FBXL13: variants seen among roughly 807,000 people sequenced by gnomAD.
FBXL13 encodes the protein F-box and leucine-rich repeat protein 13.
FBXL13 carries 67 observed loss-of-function variants against 83.6 expected under a neutral mutation model. The ratio of observed to expected loss-of-function variants is 0.80; its 90% CI spans 0.66 to 0.98. The LOEUF (loss-of-function observed/expected upper bound fraction) is 0.98. Ranked by LOEUF, FBXL13 falls within the 50% of genes least tolerant of loss-of-function variation. The pLI, the probability that FBXL13 is intolerant of heterozygous loss-of-function variation, is 0.00. For synonymous variants in FBXL13, 272 were observed against 299.5 expected, an observed-to-expected ratio of 0.91 and a Z score of 0.95; for missense variants, 822 against 866.5, an observed-to-expected ratio of 0.95 and a Z score of 0.64.
Position 102,854,759 on chromosome 7 carries a change from T to G in FBXL13, c.1719+18A>C. 1 of 1,407,792 alleles carries G rather than the reference T, an allele frequency of 7.1e-7. No homozygotes were observed. Among genetic ancestry groups the G allele is most frequent in the Non-Finnish European group, 9.7e-7 (1 of 1,031,128 alleles). The allele number at this position is 1,407,792 out of a possible 1,614,324, so 87.2% of individuals were successfully genotyped here. On this transcript the variant is annotated intron_variant, in intron 17 of 19. Coordinates refer to ENST00000313221, the Ensembl canonical transcript of FBXL13. The stretch of plus-strand genomic sequence containing the variant: ...ATTTCAATCTTAATTCTTTAACAGA[T>G]GATCTTAATGATCTTACCTGAATTC...
At chr7:102,899,139 T>C (rs1281109987) in intron 11 of FBXL13, among the ~76,000 whole-genome samples, 1 of 152,120 alleles carries the variant, frequency 6.6e-6, no homozygotes, top group Non-Finnish European at 1.5e-5. Flanking sequence ...GGTCTCAAAC[T>C]CCTGACCTCA....
At chr7:102,848,132 C>T (rs554130673) in intron 17 of FBXL13, among the ~76,000 whole-genome samples, 4 of 152,262 alleles carry the variant, frequency 2.6e-5, no homozygotes, top group African/African-American at 9.6e-5. Context: ...CTGATTTTCT[C>T]CTGCTAATGA....
At chr7:103,037,493 T>C (rs185718623) in intron 2 of FBXL13, among the ~76,000 whole-genome samples, 30 of 152,328 alleles carry the variant, frequency 2.0e-4, no homozygotes, top group Admixed American at 1.8e-3. Flanking sequence ...AGCATTATTT[T>C]AAAATATTTT....
chr7:102,930,208 C>T (rs1253112505), intron 9 of FBXL13, among the ~76,000 whole-genome samples: 2 of 152,062 alleles, frequency 1.3e-5, no homozygotes, highest in Admixed American at 6.5e-5. Context: ...CAGGGAGGGG[C>T]CAATTCATGC....
chr7:102,833,557 A>G (rs1801121956), intron 17 of FBXL13, among the ~76,000 whole-genome samples: 1 of 143,722 alleles, frequency 7.0e-6, no homozygotes, highest in Non-Finnish European at 1.5e-5. Flanking sequence ...TCTTGTGCCT[A>G]TTGGGACTAC....
At chr7:103,074,342 C>T (rs1436339110) in exon 1 of FBXL13, 1 of 1,027,816 alleles carries the variant, frequency 9.7e-7, no homozygotes, top group African/African-American at 1.7e-5. Context: ...TTTTCCTCCT[C>T]AGGCTCTCTG....
intron 16 of FBXL13, among the ~76,000 whole-genome samples, chr7:102,861,707 C>T (rs1342287055): frequency 3.3e-5 from 5 of 152,184 alleles, no homozygotes; most frequent in African/African-American, 4.8e-5. Flanking sequence ...GCAGGCCGGG[C>T]GCGGTGGCTC....
chr7:102,950,010 G>T (rs1231298521), intron 8 of FBXL13, among the ~76,000 whole-genome samples: 1 of 152,146 alleles, frequency 6.6e-6, no homozygotes. Context: ...GGAGACTGAG[G>T]CATGAGAATT....
intron 9 of FBXL13, among the ~76,000 whole-genome samples, chr7:102,930,463 T>G (rs1378760749): frequency 1.3e-5 from 2 of 152,214 alleles, no homozygotes; most frequent in East Asian, 3.8e-4. Context: ...ATGCCTCACC[T>G]TCTGACCTCT....
chr7:102,963,201 G>T (rs1033965258), intron 8 of FBXL13, among the ~76,000 whole-genome samples: 4 of 151,082 alleles, frequency 2.6e-5, no homozygotes, highest in Non-Finnish European at 4.4e-5. Flanking sequence ...CATGCCTGTA[G>T]TCCCAGCTAC....
chr7:103,028,233 T>C (rs1211475790), intron 4 of FBXL13, among the ~76,000 whole-genome samples: 1 of 152,210 alleles, frequency 6.6e-6, no homozygotes, highest in African/African-American at 2.4e-5. Flanking sequence ...ACATTAAATA[T>C]AATCTTTGTA....
chr7:103,039,515 A>T lies in FBXL13; in HGVS notation c.1-10097T>A, dbSNP rs980675883. The stretch of plus-strand genomic sequence containing the variant: ...GCCTTGAGAAGAGCAACTCCAAGAC[A>T]CATAATTGTCAGATTCACCAAGGTT... On this transcript the variant is annotated intron_variant, in intron 2 of 19. Transcript: ENST00000313221. 3.9e-5 allele frequency among the ~76,000 whole-genome samples: 6 copies of T among 152,184 alleles called. No homozygotes were observed. In the South Asian group the frequency reaches 1.2e-3, roughly 32 times the overall value.
chr7:102,955,903 C>T (rs1237735619), intron 8 of FBXL13, among the ~76,000 whole-genome samples: 1 of 151,998 alleles, frequency 6.6e-6, no homozygotes, highest in Non-Finnish European at 1.5e-5. Flanking sequence ...AGTCTAACAA[C>T]CAAAAAAAGA....
chr7:102,896,544 A>G (rs1370514857), intron 11 of FBXL13, among the ~76,000 whole-genome samples: 3 of 152,242 alleles, frequency 2.0e-5, no homozygotes, highest in Non-Finnish European at 4.4e-5. Context: ...GATGGCTTCA[A>G]CAACAGAAAT....
At chr7:102,836,117 C>T (rs1471963677) in intron 17 of FBXL13, among the ~76,000 whole-genome samples, 3 of 152,192 alleles carry the variant, frequency 2.0e-5, no homozygotes, top group Admixed American at 6.5e-5. Flanking sequence ...TTGGACTGCT[C>T]GAATCAAATC....
chr7:102,960,134 T>A (rs911755285), intron 8 of FBXL13, among the ~76,000 whole-genome samples: 4 of 151,998 alleles, frequency 2.6e-5, no homozygotes, highest in African/African-American at 9.7e-5. Flanking sequence ...TATTTTTTAG[T>A]AGAAAAAATT....
intron 2 of FBXL13, among the ~76,000 whole-genome samples, chr7:103,045,764 T>C (rs1796211351): frequency 6.6e-6 from 1 of 152,220 alleles, no homozygotes; most frequent in African/African-American, 2.4e-5. Context: ...CACAACTTTG[T>C]TTAAAAAAGA....
Position 102,970,058 on chromosome 7 carries a change from C to A in FBXL13, c.496-1941G>T, listed in dbSNP as rs1287648362. Among the ~76,000 whole-genome samples, 10 of 152,000 alleles carry A rather than the reference C, an allele frequency of 6.6e-5. No homozygotes were observed. In the East Asian group the frequency reaches 1.9e-3, roughly 29 times the overall value. On this transcript the variant is annotated intron_variant, in intron 6 of 19. Transcript: ENST00000313221. ...TTGAGCCCAGGAGTTCAAGACTAGC[C>A]TGGGCAACATAGTGAAACCCCATTT...
chr7:102,937,029 G>T (rs950003284), intron 8 of FBXL13, among the ~76,000 whole-genome samples: 2 of 151,872 alleles, frequency 1.3e-5, no homozygotes, highest in Non-Finnish European at 2.9e-5. Flanking sequence ...TTCCAGAAAT[G>T]CCCCATAAAT....
Sources: allele counts gnomAD v4.1 joint callset (sites outside exome capture counted in the v4.1 genomes callset), GRCh38; gene constraint gnomAD v4.1.1; transcripts MANE v1.5; gene names NCBI Gene and HGNC (gene_info 2026-07-23, HGNC 2026-07-21).